Variants in DIPK2B observed in about 807,000 individuals in gnomAD.
DIPK2B encodes the protein UPF0672 protein CXorf36.
A neutral mutation model predicts 22.2 loss-of-function variants in DIPK2B; 15 were observed. The observed-to-expected ratio is 0.68, with a 90% CI of 0.45 to 1.04. DIPK2B has a LOEUF of 1.04. Ranked by LOEUF, DIPK2B falls within the 50% of genes least tolerant of loss-of-function variation. DIPK2B has a pLI of 0.00. For synonymous variants in DIPK2B, 163 were observed against 153.2 expected (o/e 1.06, Z -0.47); for missense variants, 345 against 348.3 (o/e 0.99, Z 0.08).
chrX:45,171,691 G>A (rs1569544876), intron 2 of DIPK2B, among the ~76,000 whole-genome samples: 1 of 112,061 alleles, frequency 8.9e-6, no homozygotes, highest in Non-Finnish European at 1.9e-5. Flanking sequence ...TCCCAGTTTA[G>A]GCCACACCCC....
intron 2 of DIPK2B, among the ~76,000 whole-genome samples, chrX:45,168,591 C>G (rs1046204088): frequency 5.3e-5 from 6 of 112,239 alleles, no homozygotes; most frequent in African/African-American, 1.9e-4. Flanking sequence ...GGGTTGAGCC[C>G]TGATGGAATG....
intron 2 of DIPK2B, among the ~76,000 whole-genome samples, chrX:45,159,631 G>T (rs1369019224): frequency 9.0e-6 from 1 of 111,160 alleles, no homozygotes; most frequent in Non-Finnish European, 1.9e-5. Context: ...CCTCCGGGGT[G>T]TCTCTCAGCT....
At chrX:45,165,579 A>G in intron 2 of DIPK2B, among the ~76,000 whole-genome samples, 1 of 111,248 alleles carries the variant, frequency 9.0e-6, no homozygotes, top group Non-Finnish European at 1.9e-5. Context: ...CCATGCTGCA[A>G]CATGGGGTGA....
chrX:45,187,669 T>C (rs2047191018), intron 2 of DIPK2B, among the ~76,000 whole-genome samples: 1 of 111,991 alleles, frequency 8.9e-6, no homozygotes, highest in Non-Finnish European at 1.9e-5. Context: ...CAGCCTCTGA[T>C]GATGACTGCT....
chrX:45,162,483 AGAGT>A (rs2148336264), intron 2 of DIPK2B: 1 of 752,550 alleles, frequency 1.3e-6, no homozygotes, highest in South Asian at 6.8e-5. Context: ...TCCCACTTAC[AGAGT>A]GAGACCTTTG....
In DIPK2B at chrX:45,149,921, A is replaced by C. The variant is rs1209668302; in HGVS notation, c.*1731T>G. 8.9e-6 allele frequency: 1 copy of C among 112,516 alleles called. No individual in the cohort carries two copies. The highest frequency in any genetic ancestry group is 2.8e-4 in the East Asian group (1 of 3,600). The allele number at this position is 112,516 out of a possible 1,213,427, so 9.3% of individuals were successfully genotyped here. ...TTTTGAGACGGAGTCTCGCTGTGTC[A>C]TCCAGGCTGGAGTACAGTGGCGTGA... On this transcript the variant is annotated 3_prime_UTR_variant, in exon 5 of 5. Transcript: ENST00000398000.
chrX:45,185,890 G>A (rs1351129883), intron 2 of DIPK2B, among the ~76,000 whole-genome samples: 2 of 110,784 alleles, frequency 1.8e-5, no homozygotes, highest in Non-Finnish European at 3.8e-5. Context: ...CTGACCTCGT[G>A]ATCCGCCCGC....
chrX:45,162,301 T>G, intron 2 of DIPK2B: 1 of 651,853 alleles, frequency 1.5e-6, no homozygotes, highest in Non-Finnish European at 1.8e-6. Flanking sequence ...GCAAAATAAA[T>G]GATTGTTGTT....
intron 2 of DIPK2B, among the ~76,000 whole-genome samples, chrX:45,174,188 T>G (rs942948495): frequency 9.0e-6 from 1 of 111,491 alleles, no homozygotes; most frequent in African/African-American, 3.3e-5. Flanking sequence ...AAAAAGAATT[T>G]GGGGACTCTT....
At chrX:45,179,123 G>T (rs1040546029) in intron 2 of DIPK2B, among the ~76,000 whole-genome samples, 1 of 111,057 alleles carries the variant, frequency 9.0e-6, no homozygotes, top group African/African-American at 3.3e-5. Context: ...ACAACTGGGG[G>T]GTTGTGGGTA....
At chrX:45,169,760 A>G (rs5952704) in intron 2 of DIPK2B, among the ~76,000 whole-genome samples, 33,958 of 111,551 alleles carry the variant, frequency 0.3, 4,565 homozygotes, top group African/African-American at 0.52. Flanking sequence ...CATCCACACC[A>G]TGACTATAAC....
rs200233578 is a variant in DIPK2B at position 45,154,213 on chromosome X, G to A, written c.673-15C>T. 1.7e-6 allele frequency: 2 copies of A among 1,176,123 alleles called. No individual in the cohort carries two copies. The highest frequency in any genetic ancestry group is 3.0e-5 in the East Asian group (1 of 32,787). On this transcript the variant is annotated splice_polypyrimidine_tract_variant and intron_variant, in intron 3 of 4. Coordinates refer to ENST00000398000, the MANE Select transcript of DIPK2B (RefSeq NM_176819.4). ...CCAGGGAAGATCTGCCAAGCCAGAA[G>A]GAGGAGGATTAGAGAGAAAAATCTG...
intron 2 of DIPK2B, among the ~76,000 whole-genome samples, chrX:45,166,561 C>G (rs182759387): frequency 9.0e-6 from 1 of 111,578 alleles, no homozygotes; most frequent in African/African-American, 3.3e-5. Flanking sequence ...ATAGCATTCA[C>G]CATCCTGTGC....
intron 1 of DIPK2B, among the ~76,000 whole-genome samples, chrX:45,200,092 A>G (rs952910297): frequency 1.8e-5 from 2 of 111,826 alleles, no homozygotes; most frequent in African/African-American, 6.5e-5. Flanking sequence ...TATTTAAAGT[A>G]TACAACACGA....
intron 1 of DIPK2B, among the ~76,000 whole-genome samples, chrX:45,192,571 T>C (rs943357803): frequency 5.4e-5 from 6 of 110,973 alleles, no homozygotes; most frequent in African/African-American, 2.0e-4. Flanking sequence ...CTCTTGGGCC[T>C]GCACTAGGGA....
chrX:45,166,893 T>C (rs887168884), intron 2 of DIPK2B, among the ~76,000 whole-genome samples: 2 of 112,032 alleles, frequency 1.8e-5, no homozygotes, highest in Non-Finnish European at 3.8e-5. Flanking sequence ...TTACTTTGAG[T>C]GGACTTATTG....
intron 2 of DIPK2B, among the ~76,000 whole-genome samples, chrX:45,170,600 G>A (rs906591716): frequency 8.9e-6 from 1 of 112,373 alleles, no homozygotes; most frequent in African/African-American, 3.2e-5. Flanking sequence ...TCACCTCTGT[G>A]TCCCTAGCAC....
chrX:45,165,010 A>C (rs902816610), intron 2 of DIPK2B, among the ~76,000 whole-genome samples: 1 of 111,511 alleles, frequency 9.0e-6, no homozygotes, highest in Non-Finnish European at 1.9e-5. Flanking sequence ...AGAATCGCAC[A>C]GTGTGTCCCA....
rs778287525 is a variant in DIPK2B at position 45,200,830 on chromosome X, G to T, written c.-4C>A. On this transcript the variant is annotated 5_prime_UTR_variant, in exon 1 of 5. Coordinates refer to ENST00000398000, the MANE Select transcript of DIPK2B (RefSeq NM_176819.4). The stretch of plus-strand genomic sequence containing the variant: ...CAGGCCCCAGCTGGGGCTCCATCTT[G>T]GGCTCTGGGCTCCAGCTGCAGCCTC... 7.2e-5 allele frequency: 84 copies of T among 1,162,211 alleles called. No homozygotes were observed. Among genetic ancestry groups the T allele is most frequent in the Non-Finnish European group, 9.4e-5 (82 of 868,069 alleles).
Sources: allele counts gnomAD v4.1 joint callset (sites outside exome capture counted in the v4.1 genomes callset), GRCh38; gene constraint gnomAD v4.1.1; transcripts MANE v1.5; gene names NCBI Gene and HGNC (gene_info 2026-07-23, HGNC 2026-07-21).